Variants in LRRIQ3 observed in about 807,000 individuals in gnomAD.
LRRIQ3 encodes leucine-rich repeat and IQ domain-containing protein 3.
In LRRIQ3, 75 loss-of-function variants were observed where a neutral mutation model predicts 59.3. The observed-to-expected ratio is 1.26, with a 90% CI of 1.05 to 1.53. LRRIQ3 has a LOEUF of 1.53. LRRIQ3 is among the 40% of genes most tolerant of loss of function. The pLI is 0.00. For missense variants in LRRIQ3, 831 were observed against 710.0 expected, an observed-to-expected ratio of 1.17 and a Z score of -1.94; for synonymous variants, 250 against 231.3, an observed-to-expected ratio of 1.08 and a Z score of -0.73.
At chr1:74,102,506 C>T (rs112958360) in intron 5 of LRRIQ3, among the ~76,000 whole-genome samples, 3,290 of 152,040 alleles carry the variant, frequency 0.022, 116 homozygotes, top group African/African-American at 0.075. Flanking sequence ...GTTGAAACTC[C>T]TTTGCGCTGT....
At chr1:74,123,182 G>C (rs1278232398) in intron 4 of LRRIQ3, among the ~76,000 whole-genome samples, 1 of 151,792 alleles carries the variant, frequency 6.6e-6, no homozygotes, top group Non-Finnish European at 1.5e-5. Flanking sequence ...GTACATAGGA[G>C]GTGTATATAG....
chr1:74,097,554 A>T (rs1646466138), intron 5 of LRRIQ3, among the ~76,000 whole-genome samples: 1 of 152,128 alleles, frequency 6.6e-6, no homozygotes, highest in Non-Finnish European at 1.5e-5. Flanking sequence ...AATACAGAGA[A>T]TGCCACAAAG....
rs947622765 is a variant in LRRIQ3, at chr1:74,130,974, T to C, written c.708-21421A>G. Among the ~76,000 whole-genome samples, 5 of 152,026 alleles carry C rather than the reference T, an allele frequency of 3.3e-5. No homozygotes were observed. In the South Asian group the frequency reaches 8.3e-4, roughly 25 times the overall value. ...TTTTTGAAAAGATCAACAAAATTGATAGACCACCAGCAAGACTAATACAGA... is the reference window on the plus strand; with the variant it reads ...TTTTTGAAAAGATCAACAAAATTGACAGACCACCAGCAAGACTAATACAGA... On this transcript the variant is annotated intron_variant, in intron 4 of 7. Coordinates refer to ENST00000354431, the MANE Select transcript of LRRIQ3 (RefSeq NM_001105659.2).
intron 4 of LRRIQ3, among the ~76,000 whole-genome samples, chr1:74,143,516 A>T (rs939877985): frequency 6.6e-6 from 1 of 151,966 alleles, no homozygotes; most frequent in Non-Finnish European, 1.5e-5. Flanking sequence ...CACTGTATGA[A>T]ACATTTTTCA....
intron 4 of LRRIQ3, among the ~76,000 whole-genome samples, chr1:74,142,421 A>G (rs1570196724): frequency 6.6e-6 from 1 of 151,922 alleles, no homozygotes; most frequent in African/African-American, 2.4e-5. Flanking sequence ...TACTTTCCCA[A>G]AGCAGAGTTA....
intron 3 of LRRIQ3, among the ~76,000 whole-genome samples, chr1:74,164,470 C>T (rs1166395991): frequency 1.3e-5 from 2 of 151,320 alleles, no homozygotes; most frequent in African/African-American, 4.8e-5. Flanking sequence ...TTTGCTGATG[C>T]CTCAATCTTG....
chr1:74,138,168 A>AAC (rs1557634979), intron 4 of LRRIQ3, among the ~76,000 whole-genome samples: 10 of 151,832 alleles, frequency 6.6e-5, no homozygotes, highest in East Asian at 5.8e-4. Flanking sequence ...ACAAACAAAA[A>AAC]AAAAAAACAA....
At chr1:74,056,106 C>G (rs1000727385) in intron 6 of LRRIQ3, among the ~76,000 whole-genome samples, 4 of 151,180 alleles carry the variant, frequency 2.6e-5, no homozygotes, top group African/African-American at 9.7e-5. Flanking sequence ...GATCATGCCA[C>G]TGCACTCCAG....
intron 6 of LRRIQ3, among the ~76,000 whole-genome samples, chr1:74,054,529 C>A (rs1162632532): frequency 6.6e-6 from 1 of 151,848 alleles, no homozygotes; most frequent in Non-Finnish European, 1.5e-5. Flanking sequence ...AAATTATGAT[C>A]TTTTGCAGAT....
At chr1:74,045,657 G>A (rs533247207) in intron 6 of LRRIQ3, among the ~76,000 whole-genome samples, 1 of 152,274 alleles carries the variant, frequency 6.6e-6, no homozygotes, top group East Asian at 1.9e-4. Context: ...AGTAGGAAAA[G>A]AGGAAGTCAA....
chr1:74,135,346 A>G (rs898938561), intron 4 of LRRIQ3, among the ~76,000 whole-genome samples: 5 of 151,956 alleles, frequency 3.3e-5, no homozygotes, highest in African/African-American at 4.8e-5. Context: ...AGACAGAATG[A>G]CAACACAATA....
At chr1:74,165,046 C>T (rs1055818561) in intron 3 of LRRIQ3, among the ~76,000 whole-genome samples, 1 of 151,392 alleles carries the variant, frequency 6.6e-6, no homozygotes, top group African/African-American at 2.4e-5. Context: ...TCAATACCAC[C>T]ACAGTCTTGA....
At chr1:74,109,130 A>G (rs1424505288) in intron 5 of LRRIQ3, 1 of 211,130 alleles carries the variant, frequency 4.7e-6, no homozygotes, top group Non-Finnish European at 9.3e-6. Context: ...TATTATTACT[A>G]CTTGTAAAAA....
chr1:74,074,208 A>G (rs971399518), intron 6 of LRRIQ3, among the ~76,000 whole-genome samples: 1 of 152,112 alleles, frequency 6.6e-6, no homozygotes, highest in African/African-American at 2.4e-5. Context: ...CCATAAAGTA[A>G]CCTTCTGAAT....
chr1:74,060,272 TCTCTTCCTCCTCCTC>T lies in LRRIQ3; in HGVS notation c.997+14374_997+14388del, dbSNP rs1357956799. 3.6e-3 allele frequency among the ~76,000 whole-genome samples: 509 copies of T among 141,112 alleles called. 4 individuals are homozygous for T. Among genetic ancestry groups the T allele is most frequent in the African/African-American group, 0.013 (481 of 37,760 alleles). The allele number at this position is 141,112 out of a possible 152,430, so 92.6% of individuals were successfully genotyped here. A position where few individuals can be genotyped will look rare whatever the true frequency, so the allele number is the denominator to read the frequency against. On this transcript the variant is annotated intron_variant, in intron 6 of 7. Coordinates refer to ENST00000354431, the MANE Select transcript of LRRIQ3 (RefSeq NM_001105659.2). ...TCTTCTTCTTCCTCTTCCTCTTCTT[TCTCTTCCTCCTCCTC>T]CTCTTCCTCCTCTTCCTCTTCTTCT...
intron 6 of LRRIQ3, among the ~76,000 whole-genome samples, chr1:74,073,144 G>T (rs906312590): frequency 6.6e-6 from 1 of 151,914 alleles, no homozygotes; most frequent in Admixed American, 6.6e-5. Context: ...CTGCTCCTTC[G>T]CTGAATTTGC....
intron 6 of LRRIQ3, among the ~76,000 whole-genome samples, chr1:74,069,689 GAC>G (rs539465904): frequency 9.3e-4 from 141 of 152,060 alleles, no homozygotes; most frequent in Non-Finnish European, 1.7e-3. Flanking sequence ...ATATAAATGA[GAC>G]AACATAATAT....
chr1:74,060,053 C>A (rs1654655295), intron 6 of LRRIQ3, among the ~76,000 whole-genome samples: 1 of 151,950 alleles, frequency 6.6e-6, no homozygotes, highest in Non-Finnish European at 1.5e-5. Flanking sequence ...CATAAAATTT[C>A]TTTGCATATT....
intron 1 of LRRIQ3, among the ~76,000 whole-genome samples, chr1:74,191,632 C>T (rs1046220025): frequency 6.6e-6 from 1 of 152,012 alleles, no homozygotes; most frequent in Non-Finnish European, 1.5e-5. Context: ...ATATCAATAA[C>T]AGGCAAACAG....
Sources: gnomAD v4.1 joint callset for allele counts (sites outside exome capture counted in the v4.1 genomes callset) on GRCh38, gnomAD v4.1.1 for gene constraint, MANE v1.5 for transcripts, NCBI Gene and HGNC (gene_info 2026-07-23, HGNC 2026-07-21) for gene names.